The following FCGRT variants were observed in gnomAD, a reference collection of about 807,000 sequenced individuals.
The protein encoded by FCGRT is Fc gamma receptor and transporter.
A neutral mutation model predicts 35.7 loss-of-function variants in FCGRT; 13 were observed. The observed-to-expected ratio is 0.36, with a 90% CI of 0.24 to 0.58. FCGRT has a LOEUF of 0.58. Ranked by LOEUF, FCGRT falls within the 20% of genes least tolerant of loss-of-function variation. The pLI, the probability that FCGRT is intolerant of heterozygous loss-of-function variation, is 0.77. For missense variants in FCGRT, 455 were observed against 474.9 expected, an observed-to-expected ratio of 0.96 and a Z score of 0.39; for synonymous variants, 233 against 216.5, an observed-to-expected ratio of 1.08 and a Z score of -0.67.
At chr19:49,518,214 C>T (rs1249992598) in intron 4 of FCGRT, among the ~76,000 whole-genome samples, 2 of 152,158 alleles carry the variant, frequency 1.3e-5, no homozygotes, top group Non-Finnish European at 2.9e-5. Flanking sequence ...AACCAATTAA[C>T]TCTTTAATGG....
intron 5 of FCGRT, chr19:49,525,040 A>T: frequency 1.6e-6 from 1 of 630,204 alleles, no homozygotes; most frequent in Non-Finnish European, 2.9e-6. Flanking sequence ...GAGTCTGACC[A>T]TCTTCCATCC....
In FCGRT at chr19:49,514,356, C is replaced by T. The variant is rs2079993715; in HGVS notation, c.471C>T (p.Ala157=). 3 of 1,613,282 alleles carry T rather than the reference C, an allele frequency of 1.9e-6. No homozygotes were observed. Among genetic ancestry groups the T allele is most frequent in the Admixed American group, 1.7e-5 (1 of 59,934 alleles). Residue 157 remains alanine (A), a synonymous_variant, in exon 4 of 7, where the codon GCC becomes GCT. Coordinates refer to ENST00000221466, the MANE Select transcript of FCGRT (RefSeq NM_001136019.3). ...QGTWGGDWPE[A]LAISQRWQQQ... is the part of the protein sequence containing the mutation. ...CCTGGGGTGGGGACTGGCCCGAGGC[C>T]CTGGCTATCAGTCAGCGGTGGCAGC...
chr19:49,522,207 G>A (rs1000499647), intron 4 of FCGRT, among the ~76,000 whole-genome samples: 2 of 150,754 alleles, frequency 1.3e-5, no homozygotes, highest in Non-Finnish European at 2.9e-5. Flanking sequence ...TCAGTCTCCA[G>A]AGTAGGTGGG....
At chr19:49,522,927 G>A (rs2080050787) in intron 4 of FCGRT, among the ~76,000 whole-genome samples, 2 of 151,464 alleles carry the variant, frequency 1.3e-5, no homozygotes, top group Non-Finnish European at 2.9e-5. Context: ...ACAGGCGCCG[G>A]CCACCACGCC....
intron 4 of FCGRT, among the ~76,000 whole-genome samples, chr19:49,518,585 G>A (rs1176048746): frequency 2.0e-5 from 3 of 152,184 alleles, no homozygotes; most frequent in Non-Finnish European, 4.4e-5. Flanking sequence ...CCAGACTGGA[G>A]TGCAGAGGCA....
intron 4 of FCGRT, among the ~76,000 whole-genome samples, chr19:49,523,952 T>G (rs1568703110): frequency 6.6e-6 from 1 of 151,964 alleles, no homozygotes; most frequent in African/African-American, 2.4e-5. Context: ...ATCAGGAATG[T>G]GTTCAGTTCA....
intron 4 of FCGRT, among the ~76,000 whole-genome samples, chr19:49,518,371 T>C (rs1474623896): frequency 1.3e-5 from 2 of 150,580 alleles, no homozygotes; most frequent in Non-Finnish European, 3.0e-5. Context: ...TTTTTTTTTT[T>C]TTTTTTCCTT....
rs747846493 is a variant in FCGRT, at chr19:49,526,319, G to A, written c.*200G>A. The A allele has an allele frequency of 4.0e-5, 23 of 572,954 alleles. No individual in the cohort carries two copies. Among genetic ancestry groups the A allele is most frequent in the African/African-American group, 3.9e-4 (21 of 53,188 alleles). The allele number at this position is 572,954 out of a possible 1,614,324, so 35.5% of individuals were successfully genotyped here. A position where few individuals can be genotyped will look rare whatever the true frequency, so the allele number is the denominator to read the frequency against. The stretch of plus-strand genomic sequence containing the variant: ...GTTTTCCACCTCGATAATATAACAC[G>A]AGTTTGGGCCCGAATCAGTGTGTTC... On this transcript the variant is annotated 3_prime_UTR_variant, in exon 7 of 7. Coordinates refer to ENST00000221466, the MANE Select transcript of FCGRT (RefSeq NM_001136019.3).
Position 49,514,031 on chromosome 19 carries a change from G to T in FCGRT, c.223G>T (p.Val75Phe). 3 of 1,612,398 alleles carry T rather than the reference G, an allele frequency of 1.9e-6. No homozygotes were observed. The highest frequency in any genetic ancestry group is 2.5e-6 in the Non-Finnish European group (3 of 1,180,028). The change falls in exon 3 of 7, where the codon GTC becomes TTC. Residue 75 changes from valine (V) to phenylalanine (F), a missense_variant. Around this residue, in one of 3 missense-constraint regions of FCGRT, gnomAD observed 136 missense variants for 158.9 expected, o/e 0.86. Coordinates refer to ENST00000221466, the MANE Select transcript of FCGRT (RefSeq NM_001136019.3). Reference protein sequence around the residue: ...RGEAEPCGAWVWENQVSWYWE... With the variant: ...RGEAEPCGAWFWENQVSWYWE... The stretch of plus-strand genomic sequence containing the variant: ...CGAGGCGGAGCCCTGTGGAGCTTGG[G>T]TCTGGGAAAACCAGGTGTCCTGGTA...
chr19:49,519,677 G>C (rs2122683071), intron 4 of FCGRT, among the ~76,000 whole-genome samples: 1 of 152,194 alleles, frequency 6.6e-6, no homozygotes, highest in South Asian at 2.1e-4. Context: ...TTTCTGGGTA[G>C]TTGGTGCGTA....
chr19:49,526,178 ACCT>A lies in FCGRT; in HGVS notation c.*63_*65del. ...AGTCAGGCCCCTTTCATGCTGTGAG[ACCT>A]CCTGGAACACTGGCATCTCTGAGCC... On this transcript the variant is annotated 3_prime_UTR_variant, in exon 7 of 7. Transcript: ENST00000221466. 9.2e-7 allele frequency: 1 copy of A among 1,089,580 alleles called. No individual in the cohort carries two copies. Among genetic ancestry groups the A allele is most frequent in the Non-Finnish European group, 1.4e-6 (1 of 709,652 alleles). The allele number at this position is 1,089,580 out of a possible 1,614,324, so 67.5% of individuals were successfully genotyped here.
chr19:49,517,206 G>T (rs2080012670), intron 4 of FCGRT, among the ~76,000 whole-genome samples: 1 of 150,852 alleles, frequency 6.6e-6, no homozygotes, highest in Admixed American at 6.6e-5. Flanking sequence ...AAAAAAATAT[G>T]GTGGCCAGGT....
chr19:49,512,885 AGAG>A (rs1354989616), intron 1 of FCGRT, 135 bp downstream of exon 1: 1 of 66,754 alleles, frequency 1.5e-5, no homozygotes, highest in Non-Finnish European at 2.9e-5. Context: ...TGGGTCTGAG[AGAG>A]GAGGGACTGG....
At chr19:49,513,803 TCTCC>T in intron 2 of FCGRT, 75 bp from the exon 3 acceptor site, 1 of 1,042,086 alleles carries the variant, frequency 9.6e-7, no homozygotes, top group South Asian at 1.6e-5. Context: ...AATAGATTCT[TCTCC>T]CTCCCTGGGT....
chr19:49,524,270 G>T (rs964578783), intron 4 of FCGRT, among the ~76,000 whole-genome samples: 1 of 152,186 alleles, frequency 6.6e-6, no homozygotes, highest in Non-Finnish European at 1.5e-5. Context: ...GCCTCCCAAA[G>T]TGTTGCGATT....
intron 4 of FCGRT, among the ~76,000 whole-genome samples, chr19:49,517,966 C>G (rs148507930): frequency 0.014 from 2,059 of 152,246 alleles, 45 homozygotes; most frequent in African/African-American, 0.046. Context: ...GCTGGGATTA[C>G]AGGCATAAGC....
chr19:49,522,434 T>A lies in FCGRT; in HGVS notation c.602-2073T>A, dbSNP rs994383764. Among the ~76,000 whole-genome samples the A allele has an allele frequency of 8.1e-4, 123 of 151,652 alleles. 1 individual carries two copies. Among genetic ancestry groups the A allele is most frequent in the African/African-American group, 2.6e-3 (109 of 41,352 alleles). On this transcript the variant is annotated intron_variant, in intron 4 of 6. Coordinates refer to ENST00000221466, the MANE Select transcript of FCGRT (RefSeq NM_001136019.3). The stretch of plus-strand genomic sequence containing the variant: ...CTTTTTTTAAATTTTTTAAAATTTT[T>A]AATTTTTTATTTTTTTTGAGACAGT...
Position 49,513,924 on chromosome 19 carries a change from C to T in FCGRT, c.116C>T (p.Ser39Leu). The T allele has an allele frequency of 6.2e-7, 1 of 1,613,312 alleles. No homozygotes were observed. Among genetic ancestry groups the T allele is most frequent in the Non-Finnish European group, 8.5e-7 (1 of 1,179,568 alleles). The stretch of plus-strand genomic sequence containing the variant: ...CTGTACCACCTTACCGCGGTGTCCT[C>T]GCCTGCCCCGGGGACTCCTGCCTTC... Reference protein sequence around the residue: ...SLLYHLTAVSSPAPGTPAFWV... With the variant: ...SLLYHLTAVSLPAPGTPAFWV... The change falls in exon 3 of 7, where the codon TCG becomes TTG. Residue 39 changes from serine to leucine, a missense_variant. Physicochemically the swap from Ser to Leu is moderately radical, Grantham distance 145 (BLOSUM62 -2). This residue lies in a region of FCGRT where 136 missense variants were observed against 158.9 expected (regional missense o/e 0.86). Coordinates refer to ENST00000221466, the MANE Select transcript of FCGRT (RefSeq NM_001136019.3).
intron 4 of FCGRT, 127 bp from the exon 5 acceptor site, chr19:49,524,380 C>G: frequency 1.9e-6 from 2 of 1,067,634 alleles, no homozygotes; most frequent in Non-Finnish European, 1.4e-6. Context: ...AAGTGCCTCC[C>G]CTTTTACCAC....
Sources: allele counts gnomAD v4.1 joint callset (sites outside exome capture counted in the v4.1 genomes callset), GRCh38; gene constraint gnomAD v4.1.1; regional missense constraint gnomAD v4.1.1; transcripts MANE v1.5; gene names NCBI Gene and HGNC (gene_info 2026-07-23, HGNC 2026-07-21).